Variants in GRM7 observed in about 807,000 individuals in gnomAD.
GRM7 encodes metabotropic glutamate receptor 7.
In GRM7, 35 loss-of-function variants were observed where a neutral mutation model predicts 84.5. That is an observed-to-expected ratio of 0.41 (90% CI 0.32 to 0.55). GRM7 has a LOEUF of 0.55. Among genes scored for constraint, GRM7 ranks in the 20% least tolerant of loss-of-function variants. The pLI is 0.19. For missense variants in GRM7, 1,003 were observed against 1,194.6 expected (o/e 0.84, Z 2.36); for synonymous variants, 487 against 455.1 (o/e 1.07, Z -0.89).
At chr3:7,332,443 C>T (rs1035550355) in intron 4 of GRM7, among the ~76,000 whole-genome samples, 2 of 152,118 alleles carry the variant, frequency 1.3e-5, no homozygotes, top group African/African-American at 2.4e-5. Context: ...CATATCAAAT[C>T]GTTTTTCCAA....
chr3:7,547,262 A>G lies in GRM7; in HGVS notation c.1516-31160A>G, dbSNP rs570892824. Among the ~76,000 whole-genome samples the G allele has an allele frequency of 3.9e-5, 5 of 127,256 alleles. No homozygotes were observed. The South Asian group carries it at 7.9e-4, about 20-fold the overall frequency. The allele number at this position is 127,256 out of a possible 152,430, so 83.5% of individuals were successfully genotyped here. On this transcript the variant is annotated intron_variant, in intron 7 of 9. Coordinates refer to ENST00000357716, the MANE Select transcript of GRM7 (RefSeq NM_000844.4). ...CACTCTGTCGCCCAGGCTGGAGTGCAGTGGCGTAATCTCGCCTCACTGCAA... is the reference window on the plus strand; with the variant it reads ...CACTCTGTCGCCCAGGCTGGAGTGCGGTGGCGTAATCTCGCCTCACTGCAA...
intron 8 of GRM7, among the ~76,000 whole-genome samples, chr3:7,650,330 G>C (rs558103951): frequency 3.3e-5 from 5 of 152,110 alleles, no homozygotes; most frequent in Non-Finnish European, 7.4e-5. Context: ...ATCTGAACCC[G>C]GGTGATAGTA....
chr3:7,012,262 C>T (rs1194194272), intron 1 of GRM7, among the ~76,000 whole-genome samples: 2 of 152,170 alleles, frequency 1.3e-5, no homozygotes, highest in Non-Finnish European at 2.9e-5. Context: ...CTGAAGGAAA[C>T]AATCTTGGCT....
chr3:7,255,418 T>A (rs763123415), intron 2 of GRM7, among the ~76,000 whole-genome samples: 3 of 152,220 alleles, frequency 2.0e-5, no homozygotes, highest in African/African-American at 4.8e-5. Flanking sequence ...TTTCAGTTTT[T>A]GGATCCTTCA....
At position 7,673,104 on chromosome 3, in the gene GRM7, C is replaced by A. The variant is rs1187948462; in HGVS notation, c.2452-6945C>A. On this transcript the variant is annotated intron_variant, in intron 8 of 9. Coordinates refer to ENST00000357716, the MANE Select transcript of GRM7 (RefSeq NM_000844.4). ...TAACATCCTTGATGAGTGGTTGTTA[C>A]ATGCTAGTAACTGTTCTGTGTATTT... is the stretch of plus-strand genomic sequence containing the variant. 2.0e-5 allele frequency among the ~76,000 whole-genome samples: 3 copies of A among 152,152 alleles called. 1 individual carries two copies. The highest frequency in any genetic ancestry group is 7.2e-5 in the African/African-American group (3 of 41,424).
intron 1 of GRM7, among the ~76,000 whole-genome samples, chr3:7,106,979 G>A (rs1692673649): frequency 6.6e-6 from 1 of 151,916 alleles, no homozygotes; most frequent in African/African-American, 2.4e-5. Context: ...ATATAATGAT[G>A]ACCAAATCAA....
At chr3:7,476,127 T>G (rs552123612) in intron 7 of GRM7, among the ~76,000 whole-genome samples, 51 of 152,338 alleles carry the variant, frequency 3.3e-4, no homozygotes, top group African/African-American at 1.2e-3. Flanking sequence ...TTAAATCCCA[T>G]GTTTCACCAC....
At chr3:7,517,431 C>T (rs1165441930) in intron 7 of GRM7, among the ~76,000 whole-genome samples, 2 of 152,114 alleles carry the variant, frequency 1.3e-5, no homozygotes, top group Non-Finnish European at 2.9e-5. Flanking sequence ...CTCGCTCTGT[C>T]ACCCCAGCTG....
At chr3:7,317,010 T>G (rs1700606764) in intron 4 of GRM7, among the ~76,000 whole-genome samples, 1 of 152,018 alleles carries the variant, frequency 6.6e-6, no homozygotes, top group South Asian at 2.1e-4. Context: ...TGAGTATAAT[T>G]TATTGGAAAC....
Position 7,421,305 on chromosome 3 carries a change from A to G in GRM7, c.1174+6142A>G, listed in dbSNP as rs143904948. Among the ~76,000 whole-genome samples, 20 of 152,300 alleles carry G rather than the reference A, an allele frequency of 1.3e-4. No homozygotes were observed. In the East Asian group the frequency reaches 2.9e-3, roughly 22 times the overall value. ...AGAAGATAAGCAAGATGATTAGGCAATGCTTGATTCTGAGGGCAATAATTA... is the reference window on the plus strand; with the variant it reads ...AGAAGATAAGCAAGATGATTAGGCAGTGCTTGATTCTGAGGGCAATAATTA... On this transcript the variant is annotated intron_variant, in intron 5 of 9. Transcript: ENST00000357716.
In GRM7 at chr3:7,617,979, A is replaced by C. The variant is rs1388650801; in HGVS notation, c.2451+38622A>C. Among the ~76,000 whole-genome samples the C allele has an allele frequency of 6.6e-5, 10 of 152,092 alleles. 1 individual carries two copies. The South Asian group carries it at 1.9e-3, about 28-fold the overall frequency. ...GGATGCAAATTTAGACTCTGGGCAAATCTCTTAAACCCTCTTGTGCCTTAG... is the reference window on the plus strand; with the variant it reads ...GGATGCAAATTTAGACTCTGGGCAACTCTCTTAAACCCTCTTGTGCCTTAG... On this transcript the variant is annotated intron_variant, in intron 8 of 9. Coordinates refer to ENST00000357716, the MANE Select transcript of GRM7 (RefSeq NM_000844.4).
At chr3:7,409,897 G>T (rs1329905901) in intron 4 of GRM7, among the ~76,000 whole-genome samples, 2 of 152,170 alleles carry the variant, frequency 1.3e-5, no homozygotes, top group African/African-American at 4.8e-5. Flanking sequence ...ACTGTGCCTG[G>T]CCAACTTCCC....
At chr3:6,989,699 T>C (rs529306148) in intron 1 of GRM7, among the ~76,000 whole-genome samples, 7 of 152,268 alleles carry the variant, frequency 4.6e-5, no homozygotes, top group African/African-American at 1.7e-4. Context: ...AACCTTTAGG[T>C]CCAAAGAGCC....
intron 1 of GRM7, among the ~76,000 whole-genome samples, chr3:7,098,964 TTTTC>T (rs1270566456): frequency 3.3e-5 from 5 of 151,870 alleles, no homozygotes; most frequent in African/African-American, 1.2e-4. Flanking sequence ...GCCTGTGGGT[TTTTC>T]TTTATTTCAG....
chr3:7,083,872 G>A (rs1250538428), intron 1 of GRM7, among the ~76,000 whole-genome samples: 3 of 152,150 alleles, frequency 2.0e-5, no homozygotes, highest in Non-Finnish European at 1.5e-5. Flanking sequence ...AAATGTGGAG[G>A]CTGAGTGTTA....
Position 7,415,162 on chromosome 3 carries a change from A to G in GRM7, c.1173A>G (p.Thr391=). 1 of 1,612,136 alleles carries G rather than the reference A, an allele frequency of 6.2e-7. No individual in the cohort carries two copies. The highest frequency in any genetic ancestry group is 8.5e-7 in the Non-Finnish European group (1 of 1,178,404). ...SKKEDTDRKC[T]GQERIGKDSN... is the part of the protein sequence containing the mutation. ...AAGAAGACACAGATCGCAAATGCAC[A>G]GGTAATTTAATTCTCGTTGTCCTTC... The change falls in exon 5 of 10, where the codon ACA becomes ACG. Residue 391 remains threonine (T), a splice_region_variant and synonymous_variant. Coordinates refer to ENST00000357716, the MANE Select transcript of GRM7 (RefSeq NM_000844.4).
At position 7,486,225 on chromosome 3, in the gene GRM7, A is replaced by G. The variant is rs1199559345; in HGVS notation, c.1515+24503A>G. Among the ~76,000 whole-genome samples the G allele has an allele frequency of 2.0e-5, 3 of 152,132 alleles. No homozygotes were observed. The highest frequency in any genetic ancestry group is 4.1e-4 in the South Asian group (2 of 4,828). ...TTTTCATAATTTTTTGGTTCCTTCT[A>G]TTTCCCCTTGTTTTATTTGTATTTA... On this transcript the variant is annotated intron_variant, in intron 7 of 9. Coordinates refer to ENST00000357716, the MANE Select transcript of GRM7 (RefSeq NM_000844.4). The surrounding 1 kb of genome is among the most constrained non-coding windows in gnomAD (Gnocchi z 5.5).
In GRM7 at chr3:7,349,166, G is replaced by A. The variant is rs146263794; in HGVS notation, c.1033+42514G>A. Among the ~76,000 whole-genome samples, 163 of 152,196 alleles carry A rather than the reference G, an allele frequency of 1.1e-3. 1 individual carries two copies. The highest frequency in any genetic ancestry group is 3.8e-3 in the African/African-American group (157 of 41,538). Reference sequence around the variant, plus strand: ...ACAGTCGATTTCTGTGCTTCTGTCAGCTTAGCTCGTCACAATGAACATTTT... The same window carrying A: ...ACAGTCGATTTCTGTGCTTCTGTCAACTTAGCTCGTCACAATGAACATTTT... On this transcript the variant is annotated intron_variant, in intron 4 of 9. Transcript: ENST00000357716.
chr3:7,118,213 CTGTCTCTACAAAAAA>C (rs1693104219), intron 1 of GRM7, among the ~76,000 whole-genome samples: 1 of 151,858 alleles, frequency 6.6e-6, no homozygotes, highest in South Asian at 2.1e-4. Flanking sequence ...TAGTGAGACC[CTGTCTCTACAAAAAA>C]TAAAAAATAA....
Sources: allele counts gnomAD v4.1 joint callset (sites outside exome capture counted in the v4.1 genomes callset), GRCh38; gene constraint gnomAD v4.1.1; non-coding constraint Gnocchi (gnomAD v3.1); transcripts MANE v1.5; gene names NCBI Gene and HGNC (gene_info 2026-07-23, HGNC 2026-07-21).